The following MAD1L1 variants were observed in gnomAD, a reference collection of about 807,000 sequenced individuals.
MAD1L1 encodes the protein mitotic spindle assembly checkpoint protein MAD1.
A neutral mutation model predicts 96.9 loss-of-function variants in MAD1L1; 95 were observed. The observed-to-expected ratio is 0.98, with a 90% CI of 0.83 to 1.16. The LOEUF (loss-of-function observed/expected upper bound fraction) is 1.16. MAD1L1 is among the 50% of genes most tolerant of loss of function. MAD1L1 has a pLI of 0.00. For missense variants in MAD1L1, 1,007 were observed against 954.4 expected, an observed-to-expected ratio of 1.06 and a Z score of -0.73; for synonymous variants, 473 against 396.6, an observed-to-expected ratio of 1.19 and a Z score of -2.29.
At chr7:1,928,396 G>C (rs1370218991) in intron 17 of MAD1L1, among the ~76,000 whole-genome samples, 1 of 146,032 alleles carries the variant, frequency 6.8e-6, no homozygotes, top group Non-Finnish European at 1.5e-5. Flanking sequence ...GTCCCTAGAG[G>C]AGCCCACGAC....
At chr7:2,204,068 C>T (rs1032401990) in intron 10 of MAD1L1, among the ~76,000 whole-genome samples, 4 of 152,232 alleles carry the variant, frequency 2.6e-5, no homozygotes, top group African/African-American at 9.6e-5. Flanking sequence ...ATGTGAAACT[C>T]CTTGACCCTC....
intron 16 of MAD1L1, among the ~76,000 whole-genome samples, chr7:1,946,346 C>T (rs10950458): frequency 0.86 from 130,836 of 152,180 alleles, 57,590 homozygotes; most frequent in Non-Finnish European, 0.96. Context: ...AGCAGGAGCA[C>T]CGTTGGGGGC....
At chr7:1,845,642 T>G (rs1396292573) in intron 18 of MAD1L1, 1 of 136,274 alleles carries the variant, frequency 7.3e-6, no homozygotes, top group African/African-American at 2.6e-5. Flanking sequence ...GAGCGCTGTT[T>G]AGGAGACGGA....
intron 14 of MAD1L1, among the ~76,000 whole-genome samples, chr7:2,000,893 C>T (rs1055100581): frequency 2.6e-5 from 4 of 152,228 alleles, no homozygotes; most frequent in African/African-American, 9.6e-5. Context: ...CGCTGGGCAG[C>T]TTCTTCCAGG....
intron 18 of MAD1L1, among the ~76,000 whole-genome samples, chr7:1,864,271 G>A (rs964762353): frequency 9.9e-5 from 15 of 152,170 alleles, no homozygotes; most frequent in African/African-American, 3.6e-4. Context: ...GAGGAGGGGA[G>A]GCGGCTGCAG....
chr7:2,199,610 C>T (rs1450883033), intron 10 of MAD1L1, among the ~76,000 whole-genome samples: 4 of 152,280 alleles, frequency 2.6e-5, no homozygotes, highest in African/African-American at 7.2e-5. Context: ...TCCGCATCCG[C>T]GCCCCCGCAG....
chr7:2,014,775 A>G (rs1782460877), intron 12 of MAD1L1, 133 bp from the exon 13 acceptor site: 2 of 1,035,978 alleles, frequency 1.9e-6, no homozygotes, highest in South Asian at 3.8e-5. Context: ...CAGCACTCAG[A>G]GCCCACCCCT....
At chr7:1,918,943 G>A (rs1248054559) in intron 17 of MAD1L1, among the ~76,000 whole-genome samples, 3 of 152,186 alleles carry the variant, frequency 2.0e-5, no homozygotes, top group Non-Finnish European at 4.4e-5. Flanking sequence ...CAGGGCAGGG[G>A]CACTGATCCT....
chr7:1,918,874 C>A (rs1788590616), intron 17 of MAD1L1, among the ~76,000 whole-genome samples: 1 of 151,928 alleles, frequency 6.6e-6, no homozygotes. Flanking sequence ...CAGCCCCCCT[C>A]CCCTCCCCTC....
At chr7:2,022,899 C>G (rs938923777) in intron 12 of MAD1L1, among the ~76,000 whole-genome samples, 1 of 152,156 alleles carries the variant, frequency 6.6e-6, no homozygotes, top group Non-Finnish European at 1.5e-5. Flanking sequence ...GGTGGAGCAG[C>G]TTGATCAATC....
Position 1,910,520 on chromosome 7 carries a change from C to A in MAD1L1, c.1808-12130G>T, listed in dbSNP as rs572672253. On this transcript the variant is annotated intron_variant, in intron 17 of 18. Transcript: ENST00000265854. ...CCAAAGCTGGAGCCCACGCTGGGCA[C>A]TGCCCTGGGGGCTGAGCAGCTGTCT... is the stretch of plus-strand genomic sequence containing the variant. Among the ~76,000 whole-genome samples, 58 of 152,376 alleles carry A rather than the reference C, an allele frequency of 3.8e-4. No individual in the cohort carries two copies. The Middle Eastern group carries it at 0.014, about 36-fold the overall frequency.
At chr7:1,934,729 GCGAACCCGAGA>G (rs1789685387) in intron 17 of MAD1L1, among the ~76,000 whole-genome samples, 1 of 151,154 alleles carries the variant, frequency 6.6e-6, no homozygotes, top group African/African-American at 2.4e-5. Flanking sequence ...GAACAGACGG[GCGAACCCGAGA>G]TGCGCAGAGA....
At chr7:2,054,476 C>T (rs1784309344) in intron 12 of MAD1L1, among the ~76,000 whole-genome samples, 1 of 152,170 alleles carries the variant, frequency 6.6e-6, no homozygotes, top group African/African-American at 2.4e-5. Flanking sequence ...AGGTCCAGCT[C>T]CCTCTCGGAG....
At chr7:1,862,023 G>C (rs773994280) in intron 18 of MAD1L1, among the ~76,000 whole-genome samples, 5 of 152,204 alleles carry the variant, frequency 3.3e-5, no homozygotes, top group Non-Finnish European at 7.3e-5. Context: ...AGAGTGACTA[G>C]AGAAGTGAGT....
chr7:1,864,171 C>A (rs1041800282), intron 18 of MAD1L1, among the ~76,000 whole-genome samples: 2 of 152,228 alleles, frequency 1.3e-5, no homozygotes, highest in African/African-American at 4.8e-5. Context: ...AACAAAGACC[C>A]CGGGCCAGGG....
chr7:2,159,498 G>T (rs1266156341), intron 10 of MAD1L1, among the ~76,000 whole-genome samples: 5 of 152,208 alleles, frequency 3.3e-5, no homozygotes. Context: ...CTGAGATCCT[G>T]CATCTTTCTA....
In MAD1L1 at chr7:2,119,102, CT is replaced by C. The variant is rs1379791454; in HGVS notation, c.1073+30049del. On this transcript the variant is annotated intron_variant, in intron 11 of 18. Transcript: ENST00000265854. This position sits in a 1 kb window ranked among gnomAD's most constrained non-coding sequence, Gnocchi z 4.6. ...CTCGAGCTCCAGGGCTTCAGGGTGA[CT>C]GCTGCCCGGTGCTCTTGGTGAAGCC... Among the ~76,000 whole-genome samples, 3 of 152,084 alleles carry C rather than the reference CT, an allele frequency of 2.0e-5. No individual in the cohort carries two copies. Among genetic ancestry groups the C allele is most frequent in the African/African-American group, 7.2e-5 (3 of 41,420 alleles).
chr7:2,060,210 C>T (rs1479286306), intron 12 of MAD1L1, among the ~76,000 whole-genome samples: 1 of 149,438 alleles, frequency 6.7e-6, no homozygotes, highest in Non-Finnish European at 1.5e-5. Context: ...TACGCAGATG[C>T]CAAGTTACGC....
At chr7:1,947,093 C>A (rs1779263529) in intron 16 of MAD1L1, among the ~76,000 whole-genome samples, 1 of 152,334 alleles carries the variant, frequency 6.6e-6, no homozygotes, top group Middle Eastern at 3.4e-3. Context: ...ACCTTAAGGA[C>A]CTCCCTTCCG....
Sources: gnomAD v4.1 joint callset for allele counts (sites outside exome capture counted in the v4.1 genomes callset) on GRCh38, gnomAD v4.1.1 for gene constraint, Gnocchi (gnomAD v3.1) non-coding constraint, MANE v1.5 for transcripts, NCBI Gene and HGNC (gene_info 2026-07-23, HGNC 2026-07-21) for gene names.